Variants in ULK4 observed in about 807,000 individuals in gnomAD.
ULK4 encodes inactive serine/threonine-protein kinase ULK4.
ULK4 carries 133 observed loss-of-function variants against 160.6 expected under a neutral mutation model. That is an observed-to-expected ratio of 0.83 (90% CI 0.72 to 0.96). The LOEUF is 0.96. Among genes scored for constraint, ULK4 ranks in the 40% least tolerant of loss-of-function variants. The pLI is 0.00. For missense variants in ULK4, 1,580 were observed against 1,499.5 expected (o/e 1.05, Z -0.89); for synonymous variants, 534 against 539.8 (o/e 0.99, Z 0.15).
rs184169469 is a variant in ULK4 at position 41,782,742 on chromosome 3, A to G, written c.2193+6919T>C. Among the ~76,000 whole-genome samples, 13 of 152,346 alleles carry G rather than the reference A, an allele frequency of 8.5e-5. No homozygotes were observed. In the East Asian group the frequency reaches 1.7e-3, roughly 20 times the overall value. ...ACTTTTTAAGAAATGAGACTAATTTAGTAACTTTATTTAAAAGTTTATCTT... is the reference window on the plus strand; with the variant it reads ...ACTTTTTAAGAAATGAGACTAATTTGGTAACTTTATTTAAAAGTTTATCTT... On this transcript the variant is annotated intron_variant, in intron 21 of 36. Coordinates refer to ENST00000301831, the MANE Select transcript of ULK4 (RefSeq NM_017886.4).
rs115808574 is a variant in ULK4, at chr3:41,686,048, T to C, written c.2782-4244A>G. On this transcript the variant is annotated intron_variant, in intron 27 of 36. Transcript: ENST00000301831. ...GCATATATGTGTATGTGTATATGTATATGAACATATTTACAGGTACTATAG... is the reference window on the plus strand; with the variant it reads ...GCATATATGTGTATGTGTATATGTACATGAACATATTTACAGGTACTATAG... 8.6e-3 allele frequency among the ~76,000 whole-genome samples: 1,312 copies of C among 152,302 alleles called. 19 individuals carry two copies. Among genetic ancestry groups the C allele is most frequent in the African/African-American group, 0.03 (1,237 of 41,566 alleles).
chr3:41,849,882 A>C (rs556359766), intron 17 of ULK4, among the ~76,000 whole-genome samples: 2 of 152,268 alleles, frequency 1.3e-5, no homozygotes, highest in Admixed American at 1.3e-4. Context: ...TTACATATGT[A>C]TACATGTGAC....
intron 33 of ULK4, among the ~76,000 whole-genome samples, chr3:41,456,320 G>A (rs1369204234): frequency 2.6e-5 from 4 of 152,310 alleles, no homozygotes; most frequent in African/African-American, 9.6e-5. Flanking sequence ...CAAAGCCAGA[G>A]GACCAAACCC....
Position 41,565,629 on chromosome 3 carries a change from C to T in ULK4, c.3226+396G>A, listed in dbSNP as rs541992371. Among the ~76,000 whole-genome samples, 7 of 152,316 alleles carry T rather than the reference C, an allele frequency of 4.6e-5. No homozygotes were observed. The South Asian group carries it at 1.4e-3, about 32-fold the overall frequency. On this transcript the variant is annotated intron_variant, in intron 32 of 36. Coordinates refer to ENST00000301831, the MANE Select transcript of ULK4 (RefSeq NM_017886.4). ...AAAGAGTCTCCAACAGCATGATGGA[C>T]CTCACCACATGCAGCCCCTCAATCT...
intron 1 of ULK4, among the ~76,000 whole-genome samples, chr3:41,957,448 C>G (rs902639071): frequency 4.1e-5 from 4 of 97,248 alleles, no homozygotes; most frequent in Non-Finnish European, 7.8e-5. Flanking sequence ...GAGCACCACT[C>G]AAAAAAAAAA....
At chr3:41,706,849 ATGTG>A (rs749756575) in intron 25 of ULK4, among the ~76,000 whole-genome samples, 3,711 of 102,282 alleles carry the variant, frequency 0.036, 66 homozygotes, top group Middle Eastern at 0.06. Context: ...AAAAAAAAAT[ATGTG>A]TGTGTGTGTG....
chr3:41,598,611 T>A (rs1442104799), intron 31 of ULK4, among the ~76,000 whole-genome samples: 1 of 152,192 alleles, frequency 6.6e-6, no homozygotes, highest in African/African-American at 2.4e-5. Context: ...CTAAGAAACA[T>A]CATCAAATAT....
At chr3:41,759,227 A>G (rs556914262) in intron 21 of ULK4, among the ~76,000 whole-genome samples, 1 of 152,330 alleles carries the variant, frequency 6.6e-6, no homozygotes, top group East Asian at 1.9e-4. Context: ...TTTGAATGAA[A>G]GAAATATTTG....
intron 22 of ULK4, among the ~76,000 whole-genome samples, chr3:41,725,338 A>T (rs538483736): frequency 1.6e-4 from 24 of 152,250 alleles, no homozygotes; most frequent in Admixed American, 7.8e-4. Flanking sequence ...ATTGATATCT[A>T]AATTATCTAT....
At chr3:41,372,762 A>G (rs945152041) in intron 35 of ULK4, among the ~76,000 whole-genome samples, 2 of 152,212 alleles carry the variant, frequency 1.3e-5, no homozygotes, top group Non-Finnish European at 2.9e-5. Flanking sequence ...CTAGCATCAT[A>G]ATGACAGGAT....
chr3:41,606,815 G>C (rs2032404089), intron 31 of ULK4, among the ~76,000 whole-genome samples: 1 of 151,850 alleles, frequency 6.6e-6, no homozygotes, highest in Non-Finnish European at 1.5e-5. Context: ...TGGATTATTT[G>C]TTTTCTTGCT....
intron 19 of ULK4, among the ~76,000 whole-genome samples, chr3:41,816,113 G>C (rs1253922880): frequency 1.3e-5 from 2 of 151,608 alleles, no homozygotes; most frequent in African/African-American, 2.4e-5. Context: ...CACACACACA[G>C]AGTCTTATAT....
intron 35 of ULK4, among the ~76,000 whole-genome samples, chr3:41,373,600 C>T (rs2081418117): frequency 6.6e-6 from 1 of 152,132 alleles, no homozygotes; most frequent in Admixed American, 6.5e-5. Flanking sequence ...AGAATAAAGA[C>T]ACAATGTACC....
chr3:41,898,050 C>T (rs1698228193), intron 14 of ULK4, among the ~76,000 whole-genome samples: 4 of 152,132 alleles, frequency 2.6e-5, no homozygotes, highest in Admixed American at 2.6e-4. Context: ...TGTCCTGGTC[C>T]CTCTAATAGA....
At chr3:41,590,084 C>T (rs921572328) in intron 31 of ULK4, among the ~76,000 whole-genome samples, 1 of 151,648 alleles carries the variant, frequency 6.6e-6, no homozygotes, top group African/African-American at 2.4e-5. Flanking sequence ...CTCACTGTAA[C>T]CTCCGCCTCC....
chr3:41,819,328 A>G, intron 19 of ULK4, 95 bp downstream of exon 19: 1 of 1,139,802 alleles, frequency 8.8e-7, no homozygotes, highest in Non-Finnish European at 1.2e-6. Flanking sequence ...CTTGGTTGAC[A>G]AGCTCCTGCA....
chr3:41,326,019 T>C (rs967375468), intron 35 of ULK4, among the ~76,000 whole-genome samples: 11 of 152,220 alleles, frequency 7.2e-5, no homozygotes, highest in African/African-American at 1.9e-4. Flanking sequence ...ATTATATGTA[T>C]GATAAAATAA....
intron 17 of ULK4, among the ~76,000 whole-genome samples, chr3:41,866,943 T>C (rs1049662336): frequency 1.3e-5 from 2 of 152,238 alleles, no homozygotes; most frequent in Non-Finnish European, 2.9e-5. Context: ...CATATTGCTA[T>C]CTCCCAGTCT....
intron 17 of ULK4, among the ~76,000 whole-genome samples, chr3:41,874,312 C>T (rs1195892937): frequency 1.3e-5 from 2 of 152,114 alleles, no homozygotes; most frequent in Non-Finnish European, 2.9e-5. Context: ...TCATACACTA[C>T]GTTTAGAGTT....
Sources: gnomAD v4.1 joint callset for allele counts (sites outside exome capture counted in the v4.1 genomes callset) on GRCh38, gnomAD v4.1.1 for gene constraint, MANE v1.5 for transcripts, NCBI Gene and HGNC (gene_info 2026-07-23, HGNC 2026-07-21) for gene names.